SHANK2: variants seen among roughly 807,000 people sequenced by gnomAD.
SHANK2 encodes SH3 and multiple ankyrin repeat domains protein 2.
SHANK2 carries 43 observed loss-of-function variants against 133.7 expected under a neutral mutation model. That is an observed-to-expected ratio of 0.32 (90% CI 0.25 to 0.41). The LOEUF (loss-of-function observed/expected upper bound fraction) is 0.41, where lower values mean the gene tolerates loss of function less well. Among genes scored for constraint, SHANK2 ranks in the 10% least tolerant of loss-of-function variants. SHANK2 has a pLI of 1.00. For missense variants in SHANK2, 1,994 were observed against 2,235.8 expected (o/e 0.89, Z 2.18); for synonymous variants, 1,017 against 952.8 (o/e 1.07, Z -1.24).
chr11:70,494,455 G>A (rs1044499130), intron 21 of SHANK2, among the ~76,000 whole-genome samples: 11 of 152,070 alleles, frequency 7.2e-5, no homozygotes, highest in East Asian at 1.9e-4. Flanking sequence ...CACCATGCCC[G>A]GCTAATTTTT....
chr11:70,483,288 G>GT (rs1272407685), intron 25 of SHANK2, among the ~76,000 whole-genome samples: 2 of 152,122 alleles, frequency 1.3e-5, no homozygotes, highest in African/African-American at 4.8e-5. Flanking sequence ...CCATGAGAAA[G>GT]TGTTTTGTAA....
intron 17 of SHANK2, among the ~76,000 whole-genome samples, chr11:70,605,185 T>G (rs2060558764): frequency 6.6e-6 from 1 of 152,034 alleles, no homozygotes; most frequent in Admixed American, 6.6e-5. Flanking sequence ...AAGCCCCCTG[T>G]CATGCCAAAT....
chr11:70,808,151 G>C (rs1250047106), intron 12 of SHANK2, among the ~76,000 whole-genome samples: 1 of 152,084 alleles, frequency 6.6e-6, no homozygotes, highest in Non-Finnish European at 1.5e-5. Context: ...CTTCAAAATG[G>C]TTCTAAGGTG....
chr11:71,237,409 G>A (rs934942727), intron 1 of SHANK2, among the ~76,000 whole-genome samples: 22 of 152,298 alleles, frequency 1.4e-4, no homozygotes, highest in African/African-American at 3.8e-4. Flanking sequence ...GTTTTGGAGA[G>A]ACACTGCACA....
At chr11:71,157,987 C>T (rs1169408033) in intron 2 of SHANK2, among the ~76,000 whole-genome samples, 14 of 152,278 alleles carry the variant, frequency 9.2e-5, no homozygotes, top group Non-Finnish European at 7.4e-5. Context: ...GGCCCAGCCA[C>T]GGACAGCCTG....
chr11:70,844,783 C>T (rs932754451), intron 11 of SHANK2, among the ~76,000 whole-genome samples: 13 of 152,120 alleles, frequency 8.5e-5, no homozygotes, highest in Admixed American at 5.2e-4. Context: ...TTCCCAGGAG[C>T]GGAAATGCCA....
chr11:70,809,836 C>G (rs61885478), intron 12 of SHANK2, among the ~76,000 whole-genome samples: 13,130 of 152,190 alleles, frequency 0.086, 778 homozygotes, highest in South Asian at 0.27. Context: ...GGGGAGGCTG[C>G]AAGCAGCTAG....
intron 17 of SHANK2, among the ~76,000 whole-genome samples, chr11:70,614,617 C>A (rs782472839): frequency 1.3e-5 from 2 of 152,240 alleles, no homozygotes; most frequent in Non-Finnish European, 2.9e-5. Flanking sequence ...CCAGCCCAAC[C>A]TGTGGTTTCT....
rs182529640 is a variant in SHANK2, at chr11:71,144,586, C to T, written c.207+2534G>A. Among the ~76,000 whole-genome samples the T allele has an allele frequency of 3.6e-3, 552 of 152,186 alleles. 3 individuals are homozygous for T. The highest frequency in any genetic ancestry group is 3.6e-3 in the Non-Finnish European group (244 of 68,024). On this transcript the variant is annotated intron_variant, in intron 3 of 25. Transcript: ENST00000601538. The stretch of plus-strand genomic sequence containing the variant: ...AAGCATCTATGTGTTAAGTGCCTGA[C>T]ATTTGGAGGCCTTTTATTATAGCAA...
intron 11 of SHANK2, among the ~76,000 whole-genome samples, chr11:70,889,967 T>G (rs992170939): frequency 1.3e-5 from 2 of 152,262 alleles, no homozygotes; most frequent in South Asian, 4.1e-4. Context: ...TGGAAAAGCC[T>G]GTTTTCCTGA....
At chr11:70,835,063 G>A (rs968879752) in intron 11 of SHANK2, among the ~76,000 whole-genome samples, 10 of 152,160 alleles carry the variant, frequency 6.6e-5, no homozygotes, top group African/African-American at 2.4e-4. Context: ...GGGTTCCCAA[G>A]GTATATTCTA....
chr11:70,939,426 C>T (rs1216513514), intron 10 of SHANK2, among the ~76,000 whole-genome samples: 1 of 151,956 alleles, frequency 6.6e-6, no homozygotes, highest in Non-Finnish European at 1.5e-5. Context: ...TGCAGTGAGC[C>T]GAGATTGTGC....
intron 8 of SHANK2, among the ~76,000 whole-genome samples, chr11:71,085,587 T>C (rs1179385202): frequency 3.3e-5 from 1 of 30,578 alleles, no homozygotes; most frequent in South Asian, 9.3e-4. Context: ...ATATAATATA[T>C]TATATAATAT....
chr11:71,130,176 A>T (rs782243695), intron 3 of SHANK2, among the ~76,000 whole-genome samples: 35 of 152,174 alleles, frequency 2.3e-4, no homozygotes, highest in Non-Finnish European at 4.7e-4. Context: ...ACTTCATTCA[A>T]TATAGAAATT....
At position 70,468,440 on chromosome 11, in the gene SHANK2, C is replaced by A. The variant is rs1377213486; in HGVS notation, c.*4429G>T. 1.3e-5 allele frequency: 2 copies of A among 152,250 alleles called. No individual in the cohort carries two copies. The highest frequency in any genetic ancestry group is 4.8e-5 in the African/African-American group (2 of 41,472). 9.4% of individuals were successfully genotyped at this position (152,250 alleles called of 1,614,324 possible). A position where few individuals can be genotyped will look rare whatever the true frequency, so the allele number is the denominator to read the frequency against. On this transcript the variant is annotated 3_prime_UTR_variant, in exon 26 of 26. Transcript: ENST00000601538. ...AAGCACGGGCAGTCCTGTCTGCATG[C>A]AGCTGCTGTGGTCACCCAGCCACTG...
intron 15 of SHANK2, 148 bp downstream of exon 15, chr11:70,698,540 G>A: frequency 1.5e-6 from 1 of 658,894 alleles, no homozygotes; most frequent in Non-Finnish European, 2.8e-6. Context: ...CCAGGAGATG[G>A]TGGCTTCCAT....
intron 11 of SHANK2, among the ~76,000 whole-genome samples, chr11:70,860,702 T>C (rs1253214996): frequency 6.6e-6 from 1 of 152,150 alleles, no homozygotes; most frequent in African/African-American, 2.4e-5. Context: ...AATGCGAGCA[T>C]GCATTTATAG....
intron 17 of SHANK2, among the ~76,000 whole-genome samples, chr11:70,628,583 G>A (rs781927622): frequency 5.9e-5 from 9 of 152,160 alleles, no homozygotes; most frequent in Non-Finnish European, 1.0e-4. Flanking sequence ...AGCCTAAGGC[G>A]GCCCACCCAT....
intron 11 of SHANK2, among the ~76,000 whole-genome samples, chr11:70,846,444 A>AT (rs1474448362): frequency 2.0e-5 from 3 of 151,708 alleles, no homozygotes; most frequent in African/African-American, 7.3e-5. Context: ...TTAGTTTTTC[A>AT]TTTTTTGTAG....
Sources: allele counts gnomAD v4.1 joint callset (sites outside exome capture counted in the v4.1 genomes callset), GRCh38; gene constraint gnomAD v4.1.1; transcripts MANE v1.5; gene names NCBI Gene and HGNC (gene_info 2026-07-23, HGNC 2026-07-21).